Variants in PLEKHB1 observed in about 807,000 individuals in gnomAD.
PLEKHB1 encodes pleckstrin homology domain containing B1.
Under a neutral mutation model 36.2 loss-of-function variants are expected in PLEKHB1, and 29 were observed. The ratio of observed to expected loss-of-function variants is 0.80; its 90% CI spans 0.60 to 1.09. PLEKHB1 has a LOEUF of 1.09. PLEKHB1 is among the 50% of genes least tolerant of loss of function. The pLI, the probability that PLEKHB1 is intolerant of heterozygous loss-of-function variation, is 0.00. For synonymous variants in PLEKHB1, 138 were observed against 140.0 expected (o/e 0.99, Z 0.10); for missense variants, 330 against 348.2 (o/e 0.95, Z 0.42).
At chr11:73,651,414 G>A (rs941806667) in intron 3 of PLEKHB1, 3 of 486,378 alleles carry the variant, frequency 6.2e-6, no homozygotes, top group Admixed American at 2.3e-5. Flanking sequence ...CCTCTGTGCT[G>A]TCTCAGAGGT....
chr11:73,660,753 G>C lies in PLEKHB1; in HGVS notation c.496G>C (p.Val166Leu), dbSNP rs1945089871. ...CACCTGACATGGTTGGATTCCCCAG[G>C]TGCGCGTCTACAGCCCGTACCAAGA... is the stretch of plus-strand genomic sequence containing the variant. ...SPCKVERRIW[V>L]RVYSPYQDYY... is the part of the protein sequence containing the mutation. The change falls in exon 7 of 8, where the codon GTG (valine) becomes CTG (leucine). Residue 166 changes from valine to leucine, a missense_variant and splice_region_variant. Transcript: ENST00000354190. 1 of 1,587,572 alleles carries C rather than the reference G, an allele frequency of 6.3e-7. No individual in the cohort carries two copies. Among genetic ancestry groups the C allele is most frequent in the African/African-American group, 1.3e-5 (1 of 74,120 alleles).
In PLEKHB1 at chr11:73,660,768, C is replaced by T; in HGVS notation, c.511C>T (p.Pro171Ser). ...ERRIWVRVYS[P>S]YQDYYEVVPP... ...GATTCCCCAGGTGCGCGTCTACAGC[C>T]CGTACCAAGACTACTACGAGGTGGT... The change falls in exon 7 of 8, where the codon CCG becomes TCG. Residue 171 changes from proline (P) to serine (S), a missense_variant. Coordinates refer to ENST00000354190, the MANE Select transcript of PLEKHB1 (RefSeq NM_021200.3). The T allele has an allele frequency of 6.3e-7, 1 of 1,597,362 alleles. No individual in the cohort carries two copies. Among genetic ancestry groups the T allele is most frequent in the Non-Finnish European group, 8.5e-7 (1 of 1,173,244 alleles).
chr11:73,652,020 TTGGAGGCGGG>T, intron 4 of PLEKHB1, 130 bp downstream of exon 4: 1 of 768,174 alleles, frequency 1.3e-6, no homozygotes. Context: ...GGGAGTCTTA[TTGGAGGCGGG>T]TGGAGTGGAT....
At chr11:73,648,846 T>G in intron 1 of PLEKHB1, 166 bp from the exon 2 acceptor site, 1 of 1,317,346 alleles carries the variant, frequency 7.6e-7, no homozygotes. Flanking sequence ...AGTGCTCCCA[T>G]TCTCTTCCTG....
intron 2 of PLEKHB1, 81 bp from the exon 3 acceptor site, chr11:73,650,472 G>T: frequency 6.9e-7 from 1 of 1,442,514 alleles, no homozygotes; most frequent in Non-Finnish European, 9.3e-7. Flanking sequence ...GAGGCTGAGG[G>T]GACTTGGGAG....
intron 5 of PLEKHB1, among the ~76,000 whole-genome samples, chr11:73,653,920 T>A (rs1019050288): frequency 6.6e-6 from 1 of 151,880 alleles, no homozygotes; most frequent in African/African-American, 2.4e-5. Context: ...GATGGCATGA[T>A]CAGATCAGGT....
At position 73,661,781 on chromosome 11, in the gene PLEKHB1, T is replaced by C; in HGVS notation, c.*179T>C. 1 of 741,298 alleles carries C rather than the reference T, an allele frequency of 1.3e-6. No homozygotes were observed. The highest frequency in any genetic ancestry group is 1.8e-5 in the African/African-American group (1 of 54,976). 45.9% of individuals were successfully genotyped at this position (741,298 alleles called of 1,614,324 possible). A position where few individuals can be genotyped will look rare whatever the true frequency, so the allele number is the denominator to read the frequency against. On this transcript the variant is annotated 3_prime_UTR_variant, in exon 8 of 8. Transcript: ENST00000354190. This position sits in a 1 kb window ranked among gnomAD's most constrained non-coding sequence, Gnocchi z 4.6. Reference sequence around the variant, plus strand: ...CCTTAATCCCCACATGGGAAGAAGCTATCATCACAGGTACAAACATCGCTT... The same window carrying C: ...CCTTAATCCCCACATGGGAAGAAGCCATCATCACAGGTACAAACATCGCTT...
In PLEKHB1 at chr11:73,655,902, ATCTGGGTAAGTGCTGGCTCG is replaced by A. The variant is rs1315827583; in HGVS notation, c.491_495+15del. 1 of 1,613,634 alleles carries A rather than the reference ATCTGGGTAAGTGCTGGCTCG, an allele frequency of 6.2e-7. No individual in the cohort carries two copies. The highest frequency in any genetic ancestry group is 1.1e-5 in the South Asian group (1 of 91,076). ...GAGCCCCTGTAAGGTTGAGAGGCGG[ATCTGGGTAAGTGCTGGCTCG>A]GCCCTCCCTGCCTCCATACTGGCCA... On this transcript the variant is annotated splice_donor_variant and splice_donor_5th_base_variant and coding_sequence_variant and intron_variant, in exon 6 of 8. Transcript: ENST00000354190. LOFTEE classifies it high-confidence loss of function.
chr11:73,649,379 T>C (rs985704051), intron 2 of PLEKHB1, among the ~76,000 whole-genome samples: 14 of 151,996 alleles, frequency 9.2e-5, no homozygotes, highest in Admixed American at 8.5e-4. Flanking sequence ...AGAGGCTCCC[T>C]CCTCGGTTTT....
intron 6 of PLEKHB1, among the ~76,000 whole-genome samples, chr11:73,657,753 A>G (rs747988291): frequency 2.6e-5 from 4 of 152,194 alleles, no homozygotes; most frequent in African/African-American, 9.6e-5. Context: ...ATTGGACCTG[A>G]GAGCTTAGAT....
chr11:73,653,651 TTGAC>T (rs1944941433), intron 5 of PLEKHB1, among the ~76,000 whole-genome samples: 1 of 152,086 alleles, frequency 6.6e-6, no homozygotes, highest in African/African-American at 2.4e-5. Flanking sequence ...TAAACAGAAA[TTGAC>T]TGGGTGAAAG....
At position 73,661,812 on chromosome 11, in the gene PLEKHB1, C is replaced by T; in HGVS notation, c.*210C>T. 1.7e-6 allele frequency: 1 copy of T among 589,192 alleles called. No individual in the cohort carries two copies. Among genetic ancestry groups the T allele is most frequent in the Non-Finnish European group, 2.8e-6 (1 of 357,312 alleles). 36.5% of individuals were successfully genotyped at this position (589,192 alleles called of 1,614,324 possible). A position where few individuals can be genotyped will look rare whatever the true frequency, so the allele number is the denominator to read the frequency against. On this transcript the variant is annotated 3_prime_UTR_variant, in exon 8 of 8. Coordinates refer to ENST00000354190, the MANE Select transcript of PLEKHB1 (RefSeq NM_021200.3). The surrounding 1 kb of genome is among the most constrained non-coding windows in gnomAD (Gnocchi z 4.6). ...CACAGGTACAAACATCGCTTGAAGT[C>T]TTCACATCTACCACTAGACACCCCC...
At position 73,662,487 on chromosome 11, in the gene PLEKHB1, A is replaced by C. The variant is rs112529766; in HGVS notation, c.*885A>C. 6.6e-6 allele frequency: 1 copy of C among 152,518 alleles called. No individual in the cohort carries two copies. Among genetic ancestry groups the C allele is most frequent in the Non-Finnish European group, 1.5e-5 (1 of 68,114 alleles). 9.4% of individuals were successfully genotyped at this position (152,518 alleles called of 1,614,324 possible). ...TCCGTCCAGAAATGCCTCTCACACC[A>C]GGAGCTCGGCCCTCTCTTTGTAGCT... On this transcript the variant is annotated 3_prime_UTR_variant, in exon 8 of 8. Transcript: ENST00000354190.
intron 5 of PLEKHB1, among the ~76,000 whole-genome samples, chr11:73,654,317 G>A (rs1310756176): frequency 6.6e-6 from 1 of 152,216 alleles, no homozygotes; most frequent in African/African-American, 2.4e-5. Context: ...CTCTTTCTCT[G>A]TATGGCACAA....
chr11:73,656,717 G>T (rs915555865), intron 6 of PLEKHB1, among the ~76,000 whole-genome samples: 37 of 152,128 alleles, frequency 2.4e-4, no homozygotes, highest in Admixed American at 1.2e-3. Flanking sequence ...TCAACTCTGA[G>T]CTCATCTTAC....
chr11:73,651,353 C>T (rs1455182892), intron 3 of PLEKHB1: 1 of 268,874 alleles, frequency 3.7e-6, no homozygotes, highest in African/African-American at 2.8e-5. Flanking sequence ...GACCCTGTCT[C>T]AAAAAAAAAA....
chr11:73,660,616 C>T (rs1945085486), intron 6 of PLEKHB1, 137 bp from the exon 7 acceptor site: 8 of 756,020 alleles, frequency 1.1e-5, no homozygotes, highest in Non-Finnish European at 1.8e-5. Flanking sequence ...CAAGAGCTTG[C>T]TAGTGGCTGG....
chr11:73,653,399 C>A (rs749209036), intron 5 of PLEKHB1: 12 of 494,914 alleles, frequency 2.4e-5, no homozygotes, highest in Non-Finnish European at 4.7e-5. Context: ...TTCATCCGCA[C>A]AACAAATATT....
At chr11:73,651,272 G>T in intron 3 of PLEKHB1, 1 of 370,900 alleles carries the variant, frequency 2.7e-6, no homozygotes, top group South Asian at 2.0e-5. Context: ...TGGGAGGATT[G>T]CTTGAGCCTG....
Sources: allele counts gnomAD v4.1 joint callset (sites outside exome capture counted in the v4.1 genomes callset), GRCh38; gene constraint gnomAD v4.1.1; non-coding constraint Gnocchi (gnomAD v3.1); transcripts MANE v1.5; gene names NCBI Gene and HGNC (gene_info 2026-07-23, HGNC 2026-07-21).